ESRRG: variants seen among roughly 807,000 people sequenced by gnomAD.
ESRRG encodes estrogen-related receptor gamma.
Under a neutral mutation model 44.0 loss-of-function variants are expected in ESRRG, and 13 were observed. That is an observed-to-expected ratio of 0.30 (90% CI 0.19 to 0.47). The LOEUF (loss-of-function observed/expected upper bound fraction) is 0.47, where lower values mean the gene tolerates loss of function less well. Ranked by LOEUF, ESRRG falls within the 20% of genes least tolerant of loss-of-function variation. The pLI is 1.00. For missense variants in ESRRG, 395 were observed against 580.6 expected (o/e 0.68, Z 3.29); for synonymous variants, 215 against 214.6 (o/e 1.00, Z -0.02).
intron 1 of ESRRG, among the ~76,000 whole-genome samples, chr1:217,116,637 A>T (rs944719091): frequency 3.3e-5 from 5 of 152,222 alleles, no homozygotes; most frequent in African/African-American, 1.2e-4. Flanking sequence ...GAAAATGAAA[A>T]GAGTCAGTCA....
At chr1:216,908,267 T>A (rs898375521) in intron 2 of ESRRG, among the ~76,000 whole-genome samples, 4 of 152,158 alleles carry the variant, frequency 2.6e-5, no homozygotes, top group Admixed American at 6.5e-5. Context: ...AGGGAAGCTA[T>A]CATAGGCAGG....
intron 1 of ESRRG, among the ~76,000 whole-genome samples, chr1:216,680,132 A>T (rs535182874): frequency 1.3e-5 from 2 of 152,348 alleles, no homozygotes; most frequent in South Asian, 4.1e-4. Context: ...GCCTGCCACG[A>T]ACTGTTTCCT....
intron 2 of ESRRG, among the ~76,000 whole-genome samples, chr1:216,774,803 T>TC (rs1380701249): frequency 7.0e-6 from 1 of 143,434 alleles, no homozygotes; most frequent in Non-Finnish European, 1.5e-5. Context: ...TTCTTCTTTT[T>TC]TTTTTTTTAA....
At chr1:216,778,735 C>A (rs952071520) in intron 2 of ESRRG, among the ~76,000 whole-genome samples, 8 of 151,876 alleles carry the variant, frequency 5.3e-5, no homozygotes, top group South Asian at 4.1e-4. Flanking sequence ...AAATAGTAAG[C>A]CTTCCTCTAC....
chr1:216,524,006 C>T (rs540534602), intron 5 of ESRRG, among the ~76,000 whole-genome samples: 11 of 151,912 alleles, frequency 7.2e-5, no homozygotes, highest in Admixed American at 2.0e-4. Context: ...TACAAATAAA[C>T]CTAATGTTTA....
At chr1:216,711,820 A>T (rs75045287) in intron 1 of ESRRG, among the ~76,000 whole-genome samples, 7 of 152,222 alleles carry the variant, frequency 4.6e-5, no homozygotes, top group South Asian at 2.1e-4. Context: ...AAATAATTTT[A>T]AAAAAGTTGT....
chr1:216,731,630 A>G lies in ESRRG; in HGVS notation c.-13-54139T>C, dbSNP rs531710828. ...ATTCATATGTATGTATCAAAACTCA[A>G]TACGTACCCCCAAAATATGTACAAC... On this transcript the variant is annotated intron_variant, in intron 2 of 7. Coordinates refer to the ESRRG transcript ENST00000359162. 8.2e-4 allele frequency among the ~76,000 whole-genome samples: 125 copies of G among 152,344 alleles called. 1 individual carries two copies. Among genetic ancestry groups the G allele is most frequent in the African/African-American group, 2.9e-3 (121 of 41,580 alleles).
chr1:217,007,185 C>A (rs987021977), intron 1 of ESRRG, among the ~76,000 whole-genome samples: 23 of 152,096 alleles, frequency 1.5e-4, no homozygotes, highest in African/African-American at 5.1e-4. Flanking sequence ...ATACAGCATT[C>A]TAATGTAGTA....
At chr1:216,671,801 T>C (rs1025584496) in intron 2 of ESRRG, among the ~76,000 whole-genome samples, 2 of 152,138 alleles carry the variant, frequency 1.3e-5, no homozygotes, top group African/African-American at 4.8e-5. Context: ...GGAGTTAGAA[T>C]GGCTATATTA....
At chr1:216,699,031 G>T (rs1001929809) in intron 1 of ESRRG, among the ~76,000 whole-genome samples, 1 of 152,154 alleles carries the variant, frequency 6.6e-6, no homozygotes, top group Non-Finnish European at 1.5e-5. Flanking sequence ...GAGGCTGAGG[G>T]CTGCGTGCTG....
chr1:217,073,555 C>T (rs895372431), intron 1 of ESRRG, among the ~76,000 whole-genome samples: 7 of 152,242 alleles, frequency 4.6e-5, no homozygotes, highest in East Asian at 1.9e-4. Context: ...GAAAGAAAAA[C>T]GGATTTTTCT....
Position 216,519,381 on chromosome 1 carries a change from C to T in ESRRG, c.903G>A (p.Leu301=), listed in dbSNP as rs1194813112. 1 of 1,613,388 alleles carries T rather than the reference C, an allele frequency of 6.2e-7. No homozygotes were observed. The change falls in exon 6 of 7, where the codon CTG becomes CTA. Residue 301 remains leucine (L), a synonymous_variant. Coordinates refer to ENST00000408911, the MANE Select transcript of ESRRG (RefSeq NM_001438.4). ...TCAAAATTTCCATCCAAGCACTCTG[C>T]AGAAGGCTCATCTGGTCCGCCAGGG... ...TLSLADQMSL[L]QSAWMEILIL...
At chr1:217,100,103 G>GA (rs1006856713) in intron 1 of ESRRG, among the ~76,000 whole-genome samples, 105 of 152,298 alleles carry the variant, frequency 6.9e-4, no homozygotes, top group African/African-American at 2.4e-3. Context: ...GTCACTTGGG[G>GA]AAGCTATGTA....
chr1:216,610,434 A>T lies in ESRRG; in HGVS notation c.589+40539T>A, dbSNP rs368394075. Reference sequence around the variant, plus strand: ...GCATTTGAAGAATATTTAAAGGAACATTTTTTTTTCCATTTGACTTAGCTT... The same window carrying T: ...GCATTTGAAGAATATTTAAAGGAACTTTTTTTTTTCCATTTGACTTAGCTT... On this transcript the variant is annotated intron_variant, in intron 3 of 6. Transcript: ENST00000408911. 2.8e-3 allele frequency among the ~76,000 whole-genome samples: 425 copies of T among 151,514 alleles called. 2 individuals carry two copies. Among genetic ancestry groups the T allele is most frequent in the South Asian group, 9.2e-3 (44 of 4,798 alleles).
intron 2 of ESRRG, among the ~76,000 whole-genome samples, chr1:216,810,486 T>C (rs2094933541): frequency 6.6e-6 from 1 of 151,272 alleles, no homozygotes; most frequent in African/African-American, 2.4e-5. Flanking sequence ...AGAGAACAGC[T>C]GGAAAGCCTC....
chr1:216,981,864 G>T (rs1045294396), intron 1 of ESRRG, among the ~76,000 whole-genome samples: 6 of 152,146 alleles, frequency 3.9e-5, no homozygotes, highest in Non-Finnish European at 7.3e-5. Flanking sequence ...ACAAACCCCT[G>T]GCACCCTGTT....
chr1:216,914,336 G>A (rs745428431), intron 2 of ESRRG, among the ~76,000 whole-genome samples: 8 of 151,960 alleles, frequency 5.3e-5, no homozygotes, highest in South Asian at 2.1e-4. Context: ...GTGTAGTATC[G>A]CATATTTAAC....
At chr1:216,673,745 G>C (rs916325660) in intron 2 of ESRRG, among the ~76,000 whole-genome samples, 1 of 152,120 alleles carries the variant, frequency 6.6e-6, no homozygotes, top group Non-Finnish European at 1.5e-5. Flanking sequence ...TTTTCACACT[G>C]TTATTCTATC....
chr1:216,810,199 CTGCA>C (rs2094925480), intron 2 of ESRRG, among the ~76,000 whole-genome samples: 1 of 152,280 alleles, frequency 6.6e-6, no homozygotes, highest in East Asian at 1.9e-4. Flanking sequence ...TTCCCCACAC[CTGCA>C]CCAGACACTT....
Sources: gnomAD v4.1 joint callset for allele counts (sites outside exome capture counted in the v4.1 genomes callset) on GRCh38, gnomAD v4.1.1 for gene constraint, MANE v1.5 for transcripts, NCBI Gene and HGNC (gene_info 2026-07-23, HGNC 2026-07-21) for gene names.